Variants in HS6ST3 observed in about 807,000 individuals in gnomAD.
HS6ST3 encodes heparan-sulfate 6-O-sulfotransferase 3.
Under a neutral mutation model 36.7 loss-of-function variants are expected in HS6ST3, and 12 were observed. That is an observed-to-expected ratio of 0.33 (90% CI 0.21 to 0.53). HS6ST3 has a LOEUF of 0.53. Ranked by LOEUF, HS6ST3 falls within the 20% of genes least tolerant of loss-of-function variation. HS6ST3 has a pLI of 0.95. For missense variants in HS6ST3, 584 were observed against 640.9 expected (o/e 0.91, Z 0.96); for synonymous variants, 240 against 257.5 (o/e 0.93, Z 0.65).
intron 1 of HS6ST3, among the ~76,000 whole-genome samples, chr13:96,799,824 T>G (rs902763123): frequency 2.7e-5 from 4 of 150,712 alleles, no homozygotes; most frequent in Non-Finnish European, 5.9e-5. Flanking sequence ...GGCTGAATTG[T>G]GGTCTTCATC....
intron 1 of HS6ST3, among the ~76,000 whole-genome samples, chr13:96,235,552 TC>T (rs1469857419): frequency 1.5e-4 from 23 of 152,300 alleles, no homozygotes; most frequent in Middle Eastern, 3.4e-3. Flanking sequence ...CAAAAAGTTT[TC>T]AGTGAAATGT....
At chr13:96,152,726 A>G (rs2054092609) in intron 1 of HS6ST3, among the ~76,000 whole-genome samples, 1 of 152,012 alleles carries the variant, frequency 6.6e-6, no homozygotes, top group Admixed American at 6.6e-5. Flanking sequence ...TGCATTTCTA[A>G]TCTTATTGTT....
rs555699988 is a variant in HS6ST3 at position 96,093,741 on chromosome 13, G to A, written c.707+2172G>A. 2.0e-5 allele frequency among the ~76,000 whole-genome samples: 3 copies of A among 152,244 alleles called. No individual in the cohort carries two copies. The East Asian group carries it at 5.8e-4, about 29-fold the overall frequency. ...ATATGTGAAGTGCCCTGCATCAAAA[G>A]CTATAGGGAAAAAGTTGAAAGGATG... is the stretch of plus-strand genomic sequence containing the variant. On this transcript the variant is annotated intron_variant, in intron 1 of 1. Transcript: ENST00000376705.
intron 1 of HS6ST3, among the ~76,000 whole-genome samples, chr13:96,287,834 G>A (rs968799932): frequency 2.6e-5 from 4 of 151,832 alleles, no homozygotes; most frequent in African/African-American, 9.7e-5. Flanking sequence ...CTAACATTTA[G>A]TTGCTATGTG....
chr13:96,133,778 T>C (rs2053987804), intron 1 of HS6ST3, among the ~76,000 whole-genome samples: 1 of 152,032 alleles, frequency 6.6e-6, no homozygotes, highest in Admixed American at 6.5e-5. Flanking sequence ...TTACTTTTGT[T>C]GCCTGTGCTT....
At chr13:96,657,154 A>G (rs1594829093) in intron 1 of HS6ST3, among the ~76,000 whole-genome samples, 1 of 152,114 alleles carries the variant, frequency 6.6e-6, no homozygotes. Context: ...ACCAACAGAG[A>G]TGTATTCTTT....
chr13:96,510,549 G>T (rs569298189), intron 1 of HS6ST3, among the ~76,000 whole-genome samples: 1 of 152,018 alleles, frequency 6.6e-6, no homozygotes, highest in East Asian at 1.9e-4. Context: ...TCTAATGGGG[G>T]TGGCAGAGGA....
chr13:96,351,308 G>A (rs2055182274), intron 1 of HS6ST3, among the ~76,000 whole-genome samples: 1 of 132,128 alleles, frequency 7.6e-6, no homozygotes, highest in East Asian at 2.2e-4. Flanking sequence ...CCAAACTGGG[G>A]AAGGTGGCAG....
chr13:96,596,819 A>G (rs2056403282), intron 1 of HS6ST3, among the ~76,000 whole-genome samples: 1 of 152,176 alleles, frequency 6.6e-6, no homozygotes, highest in Non-Finnish European at 1.5e-5. Context: ...CAACCTAGCA[A>G]TCTCATCACT....
At chr13:96,190,571 C>G (rs1045281220) in intron 1 of HS6ST3, among the ~76,000 whole-genome samples, 3 of 152,156 alleles carry the variant, frequency 2.0e-5, no homozygotes, top group African/African-American at 7.2e-5. Context: ...TTACCCTATG[C>G]TAGGTGCTGC....
At chr13:96,381,562 A>C (rs150282045) in intron 1 of HS6ST3, among the ~76,000 whole-genome samples, 1 of 152,240 alleles carries the variant, frequency 6.6e-6, no homozygotes, top group Non-Finnish European at 1.5e-5. Context: ...AATGGGAAGA[A>C]CAATACTGCC....
At chr13:96,373,599 C>A (rs1273751540) in intron 1 of HS6ST3, among the ~76,000 whole-genome samples, 1 of 152,128 alleles carries the variant, frequency 6.6e-6, no homozygotes, top group Non-Finnish European at 1.5e-5. Context: ...CATTCCCCAC[C>A]AATTTGAAAA....
rs554589804 is a variant in HS6ST3, at chr13:96,190,049, C to G, written c.707+98480C>G. ...ATATATTATAAATTCCCTCACCTGG[C>G]ATTTATTGAACCATGTAGTAGGCTG... On this transcript the variant is annotated intron_variant, in intron 1 of 1. Transcript: ENST00000376705. Among the ~76,000 whole-genome samples, 13 of 152,290 alleles carry G rather than the reference C, an allele frequency of 8.5e-5. No homozygotes were observed. The South Asian group carries it at 2.7e-3, about 32-fold the overall frequency.
intron 1 of HS6ST3, among the ~76,000 whole-genome samples, chr13:96,762,610 C>T (rs1407535357): frequency 6.6e-6 from 1 of 152,180 alleles, no homozygotes; most frequent in Non-Finnish European, 1.5e-5. Flanking sequence ...TGGGTTGGTT[C>T]TGTGTAGGCT....
chr13:96,620,519 T>C (rs2056490427), intron 1 of HS6ST3, among the ~76,000 whole-genome samples: 1 of 152,210 alleles, frequency 6.6e-6, no homozygotes, highest in African/African-American at 2.4e-5. Flanking sequence ...ATTTCATAGT[T>C]CAAGGTTGAA....
chr13:96,628,568 AT>A (rs1438409278), intron 1 of HS6ST3, among the ~76,000 whole-genome samples: 2 of 152,040 alleles, frequency 1.3e-5, no homozygotes, highest in African/African-American at 4.8e-5. Context: ...TTTTTGAGAG[AT>A]TGCATTAAAA....
At chr13:96,391,073 C>T (rs747287346) in intron 1 of HS6ST3, among the ~76,000 whole-genome samples, 5 of 152,194 alleles carry the variant, frequency 3.3e-5, no homozygotes, top group East Asian at 1.9e-4. Context: ...TCTCTACTCA[C>T]GTGATCTTTT....
chr13:96,758,601 A>G (rs1876889487), intron 1 of HS6ST3, among the ~76,000 whole-genome samples: 1 of 151,926 alleles, frequency 6.6e-6, no homozygotes, highest in African/African-American at 2.4e-5. Context: ...AATATTATCT[A>G]ACTTTCTTTG....
Position 96,743,863 on chromosome 13 carries a change from G to A in HS6ST3, c.708-88627G>A, listed in dbSNP as rs546184975. ...TTTTTCCTGGCTATGATTTATTGGA[G>A]CATGGTACTACAAATCATGCTTTTT... On this transcript the variant is annotated intron_variant, in intron 1 of 1. Coordinates refer to ENST00000376705, the MANE Select transcript of HS6ST3 (RefSeq NM_153456.4). Among the ~76,000 whole-genome samples the A allele has an allele frequency of 7.9e-5, 12 of 152,108 alleles. 1 individual carries two copies. The highest frequency in any genetic ancestry group is 7.2e-4 in the Admixed American group (11 of 15,248).
Sources: gnomAD v4.1 joint callset for allele counts (sites outside exome capture counted in the v4.1 genomes callset) on GRCh38, gnomAD v4.1.1 for gene constraint, MANE v1.5 for transcripts, NCBI Gene and HGNC (gene_info 2026-07-23, HGNC 2026-07-21) for gene names.